The following CDKAL1 variants were observed in gnomAD, a reference collection of about 807,000 sequenced individuals.
CDKAL1 encodes the protein threonylcarbamoyladenosine tRNA methylthiotransferase.
CDKAL1 carries 32 observed loss-of-function variants against 68.2 expected under a neutral mutation model. The ratio of observed to expected loss-of-function variants is 0.47; its 90% confidence interval spans 0.35 to 0.63. CDKAL1 has a LOEUF of 0.63. Among genes scored for constraint, CDKAL1 ranks in the 30% least tolerant of loss-of-function variants. CDKAL1 has a pLI of 0.00. For missense variants in CDKAL1, 606 were observed against 696.7 expected (o/e 0.87, Z 1.47); for synonymous variants, 234 against 244.3 (o/e 0.96, Z 0.39).
At chr6:20,899,069 T>G (rs1387195691) in intron 9 of CDKAL1, among the ~76,000 whole-genome samples, 1 of 140,814 alleles carries the variant, frequency 7.1e-6, no homozygotes, top group Non-Finnish European at 1.5e-5. Context: ...ATTCTTTTTT[T>G]TTTTTTTTTT....
intron 5 of CDKAL1, among the ~76,000 whole-genome samples, chr6:20,651,310 G>A (rs1358004455): frequency 6.6e-6 from 1 of 152,030 alleles, no homozygotes; most frequent in African/African-American, 2.4e-5. Flanking sequence ...TATTCTTTTT[G>A]TGGCAATTGT....
intron 5 of CDKAL1, among the ~76,000 whole-genome samples, chr6:20,659,765 C>T (rs1453188565): frequency 6.6e-6 from 1 of 152,236 alleles, no homozygotes; most frequent in East Asian, 1.9e-4. Context: ...TCCTTATCTA[C>T]CTCACCTTTT....
At chr6:20,771,971 G>A (rs981151778) in intron 7 of CDKAL1, among the ~76,000 whole-genome samples, 1 of 152,132 alleles carries the variant, frequency 6.6e-6, no homozygotes, top group Admixed American at 6.5e-5. Context: ...CTTTATAGCA[G>A]TGCATAAAAT....
intron 5 of CDKAL1, among the ~76,000 whole-genome samples, chr6:20,711,666 A>T (rs1771852357): frequency 6.6e-6 from 1 of 152,218 alleles, no homozygotes; most frequent in African/African-American, 2.4e-5. Flanking sequence ...GGAAGTCTGG[A>T]AATTGGTATT....
intron 13 of CDKAL1, among the ~76,000 whole-genome samples, chr6:21,139,238 G>A (rs1775775940): frequency 6.6e-6 from 1 of 152,064 alleles, no homozygotes; most frequent in African/African-American, 2.4e-5. Flanking sequence ...TACTTTTGAT[G>A]ACTTCTGACC....
intron 5 of CDKAL1, among the ~76,000 whole-genome samples, chr6:20,738,850 A>G (rs143182380): frequency 2.2e-4 from 34 of 152,326 alleles, no homozygotes; most frequent in Non-Finnish European, 3.7e-4. Flanking sequence ...GGGATTTCAC[A>G]TCTAGGTTTC....
At chr6:20,800,093 CT>C (rs1381554600) in intron 8 of CDKAL1, among the ~76,000 whole-genome samples, 2 of 152,358 alleles carry the variant, frequency 1.3e-5, no homozygotes, top group East Asian at 3.9e-4. Flanking sequence ...CCTACAATAT[CT>C]CAGAGCACCC....
At position 21,039,051 on chromosome 6, in the gene CDKAL1, C is replaced by T. The variant is rs932718076; in HGVS notation, c.1056-25997C>T. 5.9e-5 allele frequency among the ~76,000 whole-genome samples: 9 copies of T among 152,146 alleles called. No homozygotes were observed. In the South Asian group the frequency reaches 1.5e-3, roughly 25 times the overall value. On this transcript the variant is annotated intron_variant, in intron 11 of 15. Coordinates refer to ENST00000274695, the MANE Select transcript of CDKAL1 (RefSeq NM_017774.3). ...ATTTATTGTGTAAGTCAGGGGTCCC[C>T]AACCCCCAGGACACGGACTGATACC... is the stretch of plus-strand genomic sequence containing the variant.
intron 9 of CDKAL1, among the ~76,000 whole-genome samples, chr6:20,891,133 C>T (rs1761371288): frequency 1.3e-5 from 2 of 152,152 alleles, no homozygotes; most frequent in Admixed American, 1.3e-4. Flanking sequence ...TTGGCTTAAC[C>T]AGTGATTTAC....
chr6:20,675,813 A>G (rs1191615521), intron 5 of CDKAL1, among the ~76,000 whole-genome samples: 1 of 152,172 alleles, frequency 6.6e-6, no homozygotes, highest in East Asian at 1.9e-4. Context: ...AGTTAACTGT[A>G]AAACAGCCTC....
At chr6:21,083,636 T>C (rs1772533492) in intron 12 of CDKAL1, among the ~76,000 whole-genome samples, 1 of 152,218 alleles carries the variant, frequency 6.6e-6, no homozygotes, top group Non-Finnish European at 1.5e-5. Context: ...ATCTACAGTT[T>C]ATATTCTAAT....
intron 5 of CDKAL1, among the ~76,000 whole-genome samples, chr6:20,726,699 GA>G (rs764992044): frequency 3.3e-5 from 5 of 152,182 alleles, no homozygotes; most frequent in Non-Finnish European, 7.3e-5. Flanking sequence ...TCTCTTTGAA[GA>G]GGAAAAGGAC....
chr6:21,063,476 A>G (rs1015103714), intron 11 of CDKAL1, among the ~76,000 whole-genome samples: 1 of 152,234 alleles, frequency 6.6e-6, no homozygotes, highest in African/African-American at 2.4e-5. Context: ...TGAATGATAA[A>G]AAGATTTTAA....
At chr6:20,693,087 G>A (rs1007917923) in intron 5 of CDKAL1, among the ~76,000 whole-genome samples, 1 of 135,520 alleles carries the variant, frequency 7.4e-6, no homozygotes, top group Non-Finnish European at 1.5e-5. Context: ...CCGAGGTTGC[G>A]CCACTGCACT....
chr6:21,186,317 T>C, intron 13 of CDKAL1, among the ~76,000 whole-genome samples: 1 of 151,984 alleles, frequency 6.6e-6, no homozygotes, highest in East Asian at 1.9e-4. Context: ...CTATGCTGAG[T>C]TCTTTGGGGA....
chr6:20,567,819 T>G (rs927774852), intron 4 of CDKAL1, among the ~76,000 whole-genome samples: 1 of 152,076 alleles, frequency 6.6e-6, no homozygotes, highest in African/African-American at 2.4e-5. Context: ...GCTCAAGAGA[T>G]CCTCCTGCCT....
At chr6:21,075,222 C>CGTTTTATTTCTGCT (rs1234725314) in intron 12 of CDKAL1, among the ~76,000 whole-genome samples, 3 of 116,142 alleles carry the variant, frequency 2.6e-5, no homozygotes, top group African/African-American at 1.0e-4. Flanking sequence ...TTTCTGCTAA[C>CGTTTTATTTCTGCT]AACAAGTCCC....
chr6:20,807,068 T>C (rs1176903467), intron 8 of CDKAL1, among the ~76,000 whole-genome samples: 1 of 152,228 alleles, frequency 6.6e-6, no homozygotes, highest in Non-Finnish European at 1.5e-5. Context: ...TTTCATTTAC[T>C]CATGAAGACT....
intron 10 of CDKAL1, among the ~76,000 whole-genome samples, chr6:20,966,421 A>G (rs1765317371): frequency 6.6e-6 from 1 of 152,212 alleles, no homozygotes; most frequent in Non-Finnish European, 1.5e-5. Context: ...TTTGATTTGC[A>G]TATGTTGTAT....
Sources: allele counts gnomAD v4.1 joint callset (sites outside exome capture counted in the v4.1 genomes callset), GRCh38; gene constraint gnomAD v4.1.1; transcripts MANE v1.5; gene names NCBI Gene and HGNC (gene_info 2026-07-23, HGNC 2026-07-21).